LPP: variants seen among roughly 807,000 people sequenced by gnomAD.
LPP encodes the protein lipoma-preferred partner.
In LPP, 38 loss-of-function variants were observed where a neutral mutation model predicts 60.4. The ratio of observed to expected loss-of-function variants is 0.63; its 90% CI spans 0.49 to 0.83. The LOEUF is 0.83. Among genes scored for constraint, LPP ranks in the 40% least tolerant of loss-of-function variants. LPP has a pLI of 0.00. For synonymous variants in LPP, 328 were observed against 290.8 expected (o/e 1.13, Z -1.30); for missense variants, 902 against 783.6 (o/e 1.15, Z -1.80).
intron 1 of LPP, among the ~76,000 whole-genome samples, chr3:188,191,976 AG>A (rs895190274): frequency 2.0e-5 from 3 of 151,970 alleles, no homozygotes; most frequent in Admixed American, 2.0e-4. Context: ...GAGGGTTCCT[AG>A]GGGGGGATTG....
Position 188,408,754 on chromosome 3 carries a change from GTT to G in LPP, c.193+2453_193+2454del, listed in dbSNP as rs147585860. Among the ~76,000 whole-genome samples, 25 of 143,974 alleles carry G rather than the reference GTT, an allele frequency of 1.7e-4. No individual in the cohort carries two copies. In the East Asian group the frequency reaches 1.8e-3, roughly 10 times the overall value. 94.5% of individuals were successfully genotyped at this position (143,974 alleles called of 152,430 possible). A position where few individuals can be genotyped will look rare whatever the true frequency, so the allele number is the denominator to read the frequency against. ...GCCTTCTTATGTAACCCTACAAAAT[GTT>G]TTTTTTTTTTTCTTATAAAGAAATG... On this transcript the variant is annotated intron_variant, in intron 4 of 11. Transcript: ENST00000617246.
intron 9 of LPP, among the ~76,000 whole-genome samples, chr3:188,834,869 C>T (rs1467382796): frequency 6.6e-6 from 1 of 152,050 alleles, no homozygotes; most frequent in African/African-American, 2.4e-5. Context: ...GAATTATGTC[C>T]AATGGTTTGG....
intron 9 of LPP, among the ~76,000 whole-genome samples, chr3:188,825,617 A>G (rs1755262208): frequency 6.6e-6 from 1 of 151,930 alleles, no homozygotes; most frequent in Non-Finnish European, 1.5e-5. Flanking sequence ...GCTCTTGAAG[A>G]TACCAGGGGC....
At chr3:188,301,754 T>C (rs555159536) in intron 2 of LPP, among the ~76,000 whole-genome samples, 142 of 152,128 alleles carry the variant, frequency 9.3e-4, no homozygotes, top group South Asian at 1.0e-3. Flanking sequence ...GCAACCTCAA[T>C]GTCCTGGAGT....
chr3:188,677,854 T>C (rs1356094), intron 7 of LPP, among the ~76,000 whole-genome samples: 57,612 of 151,692 alleles, frequency 0.38, 12,023 homozygotes, highest in East Asian at 0.77. Context: ...TTCTCCCACC[T>C]ACCCTAGGTC....
intron 7 of LPP, among the ~76,000 whole-genome samples, chr3:188,684,087 A>G (rs112377948): frequency 0.017 from 2,583 of 152,354 alleles, 74 homozygotes; most frequent in African/African-American, 0.06. Context: ...ACACATACGC[A>G]TTGGCTGATC....
intron 2 of LPP, among the ~76,000 whole-genome samples, chr3:188,241,762 T>C: frequency 6.6e-6 from 1 of 152,204 alleles, no homozygotes; most frequent in East Asian, 1.9e-4. Context: ...ATATACGTAA[T>C]TTCAGATGAT....
At chr3:188,231,868 C>G (rs1325940082) in intron 2 of LPP, among the ~76,000 whole-genome samples, 3 of 152,178 alleles carry the variant, frequency 2.0e-5, no homozygotes. Context: ...CAGGGGTCTG[C>G]GTCTCCTGGT....
chr3:188,560,441 A>T (rs1830411742), intron 6 of LPP, among the ~76,000 whole-genome samples: 3 of 152,108 alleles, frequency 2.0e-5, no homozygotes, highest in Admixed American at 2.0e-4. Context: ...CTACTGTTTC[A>T]TATCTCCTAC....
At chr3:188,318,745 T>A (rs561167310) in intron 2 of LPP, among the ~76,000 whole-genome samples, 1 of 145,390 alleles carries the variant, frequency 6.9e-6, no homozygotes, top group East Asian at 2.1e-4. Context: ...TGAAAAAAAA[T>A]TATGATTCTT....
At chr3:188,757,903 T>G (rs1368983810) in intron 8 of LPP, among the ~76,000 whole-genome samples, 1 of 148,678 alleles carries the variant, frequency 6.7e-6, no homozygotes. Flanking sequence ...TTTTTTTTTT[T>G]TTTTTTCAGA....
At chr3:188,255,236 C>T (rs939023779) in intron 2 of LPP, among the ~76,000 whole-genome samples, 2 of 152,184 alleles carry the variant, frequency 1.3e-5, no homozygotes, top group African/African-American at 4.8e-5. Flanking sequence ...TTTCTCCAGA[C>T]ATCTCATACA....
intron 8 of LPP, chr3:188,710,259 G>T (rs917931025): frequency 2.6e-5 from 4 of 152,150 alleles, no homozygotes; most frequent in African/African-American, 9.7e-5. Flanking sequence ...TTTGTGTTGG[G>T]GTGGCAGTTT....
intron 9 of LPP, among the ~76,000 whole-genome samples, chr3:188,821,963 G>A (rs114842378): frequency 0.021 from 3,268 of 152,106 alleles, 48 homozygotes; most frequent in Middle Eastern, 0.044. Context: ...GCTGAATTTT[G>A]TCCATAAGAA....
chr3:188,836,107 A>G (rs992232702), intron 9 of LPP, among the ~76,000 whole-genome samples: 4 of 152,234 alleles, frequency 2.6e-5, no homozygotes, highest in African/African-American at 7.2e-5. Context: ...TTGGCTTTTC[A>G]AAACTGCAGG....
At chr3:188,279,181 T>G (rs1741063409) in intron 2 of LPP, among the ~76,000 whole-genome samples, 1 of 152,186 alleles carries the variant, frequency 6.6e-6, no homozygotes, top group Non-Finnish European at 1.5e-5. Context: ...GGCACAGCCA[T>G]GGAATGACTG....
chr3:188,736,853 T>C (rs1271089142), intron 8 of LPP, among the ~76,000 whole-genome samples: 3 of 152,014 alleles, frequency 2.0e-5, no homozygotes, highest in African/African-American at 7.2e-5. Flanking sequence ...GCAAAACTTA[T>C]AATGGCAAAT....
chr3:188,676,541 T>C (rs1341727781), intron 7 of LPP, among the ~76,000 whole-genome samples: 1 of 152,228 alleles, frequency 6.6e-6, no homozygotes, highest in Admixed American at 6.5e-5. Context: ...TTGTTATATG[T>C]CTTTGTACTT....
At chr3:188,495,311 C>T (rs1383982341) in intron 5 of LPP, among the ~76,000 whole-genome samples, 1 of 148,998 alleles carries the variant, frequency 6.7e-6, no homozygotes, top group Non-Finnish European at 1.5e-5. Flanking sequence ...AAATTCAGTG[C>T]CTTGGTAATA....
Sources: gnomAD v4.1 joint callset for allele counts (sites outside exome capture counted in the v4.1 genomes callset) on GRCh38, gnomAD v4.1.1 for gene constraint, MANE v1.5 for transcripts, NCBI Gene and HGNC (gene_info 2026-07-23, HGNC 2026-07-21) for gene names.